The following WWOX variants were observed in gnomAD, a reference collection of about 807,000 sequenced individuals.
WWOX encodes WW domain-containing oxidoreductase.
WWOX carries 69 observed loss-of-function variants against 46.2 expected under a neutral mutation model. That is an observed-to-expected ratio of 1.49 (90% confidence interval 1.23 to 1.82). The LOEUF is 1.82. Ranked by LOEUF, WWOX falls within the 40% of genes most tolerant of loss-of-function variation. WWOX has a pLI of 0.00. For missense variants in WWOX, 919 were observed against 542.6 expected (o/e 1.69, Z -6.89); for synonymous variants, 359 against 202.6 (o/e 1.77, Z -6.56).
chr16:78,222,073 C>A (rs1449285767), intron 5 of WWOX, among the ~76,000 whole-genome samples: 1 of 152,138 alleles, frequency 6.6e-6, no homozygotes, highest in Non-Finnish European at 1.5e-5. Flanking sequence ...GCCTCAGATG[C>A]CCCTCCATTT....
chr16:78,620,401 T>A (rs2046148834), intron 8 of WWOX, among the ~76,000 whole-genome samples: 1 of 152,170 alleles, frequency 6.6e-6, no homozygotes, highest in African/African-American at 2.4e-5. Flanking sequence ...TGTAGAAGTT[T>A]CTGTATCAAC....
chr16:78,691,363 G>A (rs2047983903), intron 8 of WWOX: 1 of 688,886 alleles, frequency 1.5e-6, no homozygotes, highest in South Asian at 1.5e-5. Flanking sequence ...TGACAAAGGT[G>A]ACAGAAAGGA....
chr16:78,825,469 C>T, intron 8 of WWOX: 1 of 436,712 alleles, frequency 2.3e-6, no homozygotes, highest in Non-Finnish European at 4.6e-6. Flanking sequence ...TGAGAACAGC[C>T]AGGGATTCTG....
intron 8 of WWOX, among the ~76,000 whole-genome samples, chr16:78,700,312 CAGAGAGAGAGAGAGAGAG>C (rs55638553): frequency 0.01 from 1,334 of 130,542 alleles, 19 homozygotes; most frequent in African/African-American, 0.029. Flanking sequence ...ACTTAGTAGA[CAGAGAGAGAGAGAGAGAG>C]AGAGAGAGAG....
chr16:78,786,614 A>T (rs2050463697), intron 8 of WWOX, among the ~76,000 whole-genome samples: 1 of 152,158 alleles, frequency 6.6e-6, no homozygotes, highest in African/African-American at 2.4e-5. Flanking sequence ...TTTTTTTAGT[A>T]TATTCGCATG....
chr16:78,776,307 C>T (rs2050188407), intron 8 of WWOX, among the ~76,000 whole-genome samples: 1 of 152,112 alleles, frequency 6.6e-6, no homozygotes, highest in Admixed American at 6.5e-5. Context: ...GGGCAGTAAG[C>T]ACAGTGGCTG....
chr16:78,819,056 T>C (rs2051421430), intron 8 of WWOX, among the ~76,000 whole-genome samples: 1 of 152,218 alleles, frequency 6.6e-6, no homozygotes, highest in South Asian at 2.1e-4. Context: ...GGCGAAGCAC[T>C]TAGCACATGA....
At chr16:78,135,746 A>G (rs933613341) in intron 4 of WWOX, among the ~76,000 whole-genome samples, 1 of 152,210 alleles carries the variant, frequency 6.6e-6, no homozygotes, top group Non-Finnish European at 1.5e-5. Flanking sequence ...AAACTGACTC[A>G]AAAAGATAAT....
intron 5 of WWOX, among the ~76,000 whole-genome samples, chr16:78,203,262 G>T (rs2151778218): frequency 6.6e-6 from 1 of 152,218 alleles, no homozygotes. Context: ...TGCCCATCCT[G>T]CAATGGTTTG....
intron 5 of WWOX, among the ~76,000 whole-genome samples, chr16:78,324,295 G>C (rs556280540): frequency 6.6e-6 from 1 of 152,252 alleles, no homozygotes; most frequent in Admixed American, 6.5e-5. Flanking sequence ...GACAGCAGCA[G>C]GTGTTGCTGG....
intron 8 of WWOX, among the ~76,000 whole-genome samples, chr16:79,024,098 G>C (rs1041245857): frequency 1.3e-5 from 2 of 152,224 alleles, no homozygotes; most frequent in Non-Finnish European, 2.9e-5. Flanking sequence ...AGGGGGCTGG[G>C]AAAGAGGGGA....
At chr16:78,209,520 G>A (rs1235687596) in intron 5 of WWOX, among the ~76,000 whole-genome samples, 1 of 152,178 alleles carries the variant, frequency 6.6e-6, no homozygotes, top group Admixed American at 6.5e-5. Context: ...TTGACTCATA[G>A]CAAGCTCATG....
At position 78,989,826 on chromosome 16, in the gene WWOX, G is replaced by GTT. The variant is rs1555507883; in HGVS notation, c.1057-221781_1057-221780insTT. Among the ~76,000 whole-genome samples the GTT allele has an allele frequency of 8.6e-3, 1,274 of 147,620 alleles. 20 individuals carry two copies. The highest frequency in any genetic ancestry group is 0.027 in the African/African-American group (1,091 of 40,024). Reference sequence around the variant, plus strand: ...AGACAGAGGTGGTGTGTGAGCGTGTGTGTGTGTGTGTGTGTGTGTGTGTGT... The same window carrying GTT: ...AGACAGAGGTGGTGTGTGAGCGTGTGTTTGTGTGTGTGTGTGTGTGTGTGTGT... On this transcript the variant is annotated intron_variant, in intron 8 of 8. Transcript: ENST00000566780.
intron 8 of WWOX, among the ~76,000 whole-genome samples, chr16:78,765,913 C>T (rs1423877935): frequency 1.3e-5 from 2 of 152,042 alleles, no homozygotes; most frequent in Non-Finnish European, 2.9e-5. Context: ...GCTTCCATGC[C>T]CATTGGTGTG....
At chr16:78,323,552 C>T (rs2080538110) in intron 5 of WWOX, among the ~76,000 whole-genome samples, 1 of 152,088 alleles carries the variant, frequency 6.6e-6, no homozygotes, top group Admixed American at 6.5e-5. Flanking sequence ...TTTGAACATG[C>T]CATGCAGTGG....
intron 5 of WWOX, among the ~76,000 whole-genome samples, chr16:78,308,932 T>C (rs1225997503): frequency 6.6e-6 from 1 of 152,196 alleles, no homozygotes; most frequent in Non-Finnish European, 1.5e-5. Context: ...TATCTGTTGA[T>C]CTCGGGTGTT....
intron 8 of WWOX, chr16:78,895,874 A>G (rs1016895925): frequency 6.6e-6 from 1 of 152,220 alleles, no homozygotes; most frequent in African/African-American, 2.4e-5. Context: ...GATACAGTTC[A>G]TGAAACCTCA....
chr16:78,789,485 T>A (rs2050540884), intron 8 of WWOX, among the ~76,000 whole-genome samples: 1 of 152,224 alleles, frequency 6.6e-6, no homozygotes, highest in Admixed American at 6.5e-5. Context: ...TTCTGGACTC[T>A]GAATTATATC....
chr16:79,116,826 T>G (rs1267023318), intron 8 of WWOX, among the ~76,000 whole-genome samples: 1 of 151,990 alleles, frequency 6.6e-6, no homozygotes, highest in Non-Finnish European at 1.5e-5. Context: ...GATTTTCAAT[T>G]TACTTAGCCC....
Sources: allele counts gnomAD v4.1 joint callset (sites outside exome capture counted in the v4.1 genomes callset), GRCh38; gene constraint gnomAD v4.1.1; transcripts MANE v1.5; gene names NCBI Gene and HGNC (gene_info 2026-07-23, HGNC 2026-07-21).